The following TRAPPC9 variants were observed in gnomAD, a reference collection of about 807,000 sequenced individuals.
The protein encoded by TRAPPC9 is IKK2 binding protein.
In TRAPPC9, 83 loss-of-function variants were observed where a neutral mutation model predicts 124.0. The ratio of observed to expected loss-of-function variants is 0.67; its 90% CI spans 0.56 to 0.80. TRAPPC9 has a LOEUF of 0.80. Among genes scored for constraint, TRAPPC9 ranks in the 30% least tolerant of loss-of-function variants. The probability of loss-of-function intolerance (pLI) is 0.00; values close to 1 mark genes in which losing one functional copy is unlikely to be tolerated. For missense variants in TRAPPC9, 1,302 were observed against 1,508.3 expected (o/e 0.86, Z 2.27); for synonymous variants, 638 against 617.5 (o/e 1.03, Z -0.49).
chr8:139,864,690 G>A (rs981112083), intron 21 of TRAPPC9, among the ~76,000 whole-genome samples: 9 of 148,864 alleles, frequency 6.0e-5, no homozygotes, highest in East Asian at 1.9e-4. Flanking sequence ...GCAGCATGCC[G>A]ACCGCCAGCA....
intron 2 of TRAPPC9, among the ~76,000 whole-genome samples, chr8:140,450,538 TA>T (rs993099384): frequency 6.6e-6 from 1 of 152,060 alleles, no homozygotes; most frequent in Non-Finnish European, 1.5e-5. Context: ...GGAGCCCCAC[TA>T]AAAAGAGGGG....
chr8:139,905,545 T>C (rs1831300826), intron 20 of TRAPPC9, among the ~76,000 whole-genome samples: 1 of 151,682 alleles, frequency 6.6e-6, no homozygotes, highest in Non-Finnish European at 1.5e-5. Context: ...ATGATGAGAA[T>C]AGAGAAGCAG....
At chr8:140,249,553 T>C (rs1284896528) in intron 16 of TRAPPC9, among the ~76,000 whole-genome samples, 2 of 152,024 alleles carry the variant, frequency 1.3e-5, no homozygotes, top group Admixed American at 1.3e-4. Flanking sequence ...GTATTTTTTT[T>C]CCTTCACCCT....
chr8:139,906,192 C>T (rs1244085229), intron 20 of TRAPPC9, among the ~76,000 whole-genome samples: 5 of 152,266 alleles, frequency 3.3e-5, no homozygotes, highest in African/African-American at 4.8e-5. Flanking sequence ...GTGACCCCCA[C>T]TCTGGAAGCA....
At chr8:139,980,890 C>T (rs1181041893) in intron 19 of TRAPPC9, among the ~76,000 whole-genome samples, 2 of 152,162 alleles carry the variant, frequency 1.3e-5, no homozygotes, top group African/African-American at 4.8e-5. Flanking sequence ...AAGCCACCCA[C>T]GGACAACAGA....
At chr8:140,065,025 G>A (rs1051858533) in intron 17 of TRAPPC9, among the ~76,000 whole-genome samples, 5 of 152,154 alleles carry the variant, frequency 3.3e-5, no homozygotes, top group East Asian at 1.9e-4. Flanking sequence ...TCGCCCAAAG[G>A]ATAAGGTTGG....
At chr8:140,038,912 A>G (rs1371510560) in intron 17 of TRAPPC9, among the ~76,000 whole-genome samples, 1 of 152,182 alleles carries the variant, frequency 6.6e-6, no homozygotes, top group Non-Finnish European at 1.5e-5. Flanking sequence ...CCAGAGACAG[A>G]ACACCCAGCA....
At position 140,304,040 on chromosome 8, in the gene TRAPPC9, A is replaced by C. The variant is rs73714857; in HGVS notation, c.1623-3426T>G. On this transcript the variant is annotated intron_variant, in intron 10 of 22. Coordinates refer to ENST00000438773, the MANE Select transcript of TRAPPC9 (RefSeq NM_001160372.4). ...CAGGAGCTTTAGTCTTCAAGTGTACATATTACTGAGCTCTTCTTATGTCAT... is the reference window on the plus strand; with the variant it reads ...CAGGAGCTTTAGTCTTCAAGTGTACCTATTACTGAGCTCTTCTTATGTCAT... Among the ~76,000 whole-genome samples the C allele has an allele frequency of 9.1e-4, 138 of 152,208 alleles. 1 individual carries two copies. The highest frequency in any genetic ancestry group is 2.9e-3 in the African/African-American group (119 of 41,548).
At chr8:139,798,114 T>C (rs1332328067) in intron 21 of TRAPPC9, among the ~76,000 whole-genome samples, 1 of 152,198 alleles carries the variant, frequency 6.6e-6, no homozygotes, top group Admixed American at 6.5e-5. Context: ...TTAACAAAAT[T>C]AAGTCTTCCA....
chr8:140,447,133 A>G (rs1207713282), intron 2 of TRAPPC9, among the ~76,000 whole-genome samples: 1 of 152,154 alleles, frequency 6.6e-6, no homozygotes, highest in Non-Finnish European at 1.5e-5. Context: ...AGCCGCCTAA[A>G]TCAATTAGCA....
At chr8:139,785,877 C>T (rs1822201288) in intron 21 of TRAPPC9, among the ~76,000 whole-genome samples, 1 of 150,968 alleles carries the variant, frequency 6.6e-6, no homozygotes, top group Admixed American at 6.6e-5. Context: ...GACTTATATA[C>T]ACAATATATG....
intron 7 of TRAPPC9, among the ~76,000 whole-genome samples, chr8:140,389,842 CAAAAAA>C (rs397971049): frequency 1.5e-4 from 14 of 92,576 alleles, no homozygotes; most frequent in Non-Finnish European, 3.2e-4. Context: ...CAACAATAAC[CAAAAAA>C]AAAAAAAAAA....
chr8:139,755,985 C>T (rs1182588477), intron 21 of TRAPPC9, among the ~76,000 whole-genome samples: 1 of 127,818 alleles, frequency 7.8e-6, no homozygotes, highest in South Asian at 2.7e-4. Context: ...GACCGCAGGT[C>T]GCAGGAGGAG....
chr8:140,242,803 C>G (rs565880123), intron 16 of TRAPPC9, among the ~76,000 whole-genome samples: 1 of 152,140 alleles, frequency 6.6e-6, no homozygotes, highest in African/African-American at 2.4e-5. Context: ...TGGCACGGCA[C>G]GGGCCAGGGG....
chr8:140,287,441 G>A (rs1057483559), intron 13 of TRAPPC9, among the ~76,000 whole-genome samples, 167 bp downstream of exon 13: 13 of 152,096 alleles, frequency 8.5e-5, no homozygotes, highest in Admixed American at 4.6e-4. Flanking sequence ...CACACATCCC[G>A]CACCCCACGA....
rs145946777 is a variant in TRAPPC9, at chr8:139,762,646, G to A, written c.3056-30444C>T. The stretch of plus-strand genomic sequence containing the variant: ...CTCACGGGATCACCGTCACACATGC[G>A]GTCCACCACTGACTGAAATGGCATG... On this transcript the variant is annotated intron_variant, in intron 21 of 22. Coordinates refer to ENST00000438773, the MANE Select transcript of TRAPPC9 (RefSeq NM_001160372.4). Among the ~76,000 whole-genome samples, 41 of 152,280 alleles carry A rather than the reference G, an allele frequency of 2.7e-4. No homozygotes were observed. In the East Asian group the frequency reaches 7.3e-3, roughly 27 times the overall value.
intron 21 of TRAPPC9, among the ~76,000 whole-genome samples, chr8:139,858,347 G>A (rs1482378047): frequency 6.6e-6 from 1 of 152,202 alleles, no homozygotes; most frequent in Non-Finnish European, 1.5e-5. Flanking sequence ...GCATCTTTGC[G>A]TGATGCTTGC....
At chr8:140,201,886 G>A (rs1482681021) in intron 17 of TRAPPC9, among the ~76,000 whole-genome samples, 3 of 152,076 alleles carry the variant, frequency 2.0e-5, no homozygotes, top group South Asian at 2.1e-4. Context: ...GAGAGGGAGC[G>A]AGAAGGCTCA....
In TRAPPC9 at chr8:140,426,640, C is replaced by T. The variant is rs756089854; in HGVS notation, c.861G>A (p.Gly287=). 6.2e-7 allele frequency: 1 copy of T among 1,613,724 alleles called. No homozygotes were observed. Among genetic ancestry groups the T allele is most frequent in the Non-Finnish European group, 8.5e-7 (1 of 1,179,818 alleles). The part of the protein sequence containing the change: ...PAEAANRHRP[G]AQEVLIDPGA... ...CTGGATCAATGAGAACTTCCTGTGC[C>T]CCTGGAAGAAAGAACAGATTATGGT... Residue 287 remains glycine, a splice_region_variant and synonymous_variant, in exon 5 of 23, where the codon GGG becomes GGA. Transcript: ENST00000438773.
Sources: gnomAD v4.1 joint callset for allele counts (sites outside exome capture counted in the v4.1 genomes callset) on GRCh38, gnomAD v4.1.1 for gene constraint, MANE v1.5 for transcripts, NCBI Gene and HGNC (gene_info 2026-07-23, HGNC 2026-07-21) for gene names.